The following SAMD8 variants were observed in gnomAD, a reference collection of about 807,000 sequenced individuals.
SAMD8 encodes sphingomyelin synthase-related protein 1.
SAMD8 carries 20 observed loss-of-function variants against 42.0 expected under a neutral mutation model. That is an observed-to-expected ratio of 0.48 (90% confidence interval 0.34 to 0.69). SAMD8 has a LOEUF of 0.69. Among genes scored for constraint, SAMD8 ranks in the 30% least tolerant of loss-of-function variants. The pLI is 0.01. For missense variants in SAMD8, 328 were observed against 511.6 expected (o/e 0.64, Z 3.46); for synonymous variants, 162 against 173.0 (o/e 0.94, Z 0.50).
At chr10:75,175,808 C>CA (rs1305586329) in intron 4 of SAMD8, 1 of 888,316 alleles carries the variant, frequency 1.1e-6, no homozygotes, top group Non-Finnish European at 1.3e-6. Context: ...CTCAGCCTCC[C>CA]AAAGTGCTGG....
intron 2 of SAMD8, among the ~76,000 whole-genome samples, chr10:75,155,115 C>G (rs979031587): frequency 1.3e-5 from 2 of 152,054 alleles, no homozygotes; most frequent in Non-Finnish European, 1.5e-5. Context: ...TGGTCTCAAA[C>G]TTTTGGCCTC....
chr10:75,109,076 G>A (rs372109818), upstream of SAMD8: 6 of 1,612,354 alleles, frequency 3.7e-6, no homozygotes, highest in African/African-American at 4.0e-5. Flanking sequence ...CCTGCCCGCA[G>A]GAGCTCCTCC....
chr10:75,172,323 T>C (rs892680558), intron 4 of SAMD8, among the ~76,000 whole-genome samples: 13 of 152,026 alleles, frequency 8.6e-5, no homozygotes, highest in African/African-American at 3.1e-4. Context: ...AGGGGAGATT[T>C]TATTGTATTT....
rs544463817 is a variant in SAMD8, at chr10:75,176,674, G to A, written c.1230G>A (p.Met410Ile). The change falls in exon 6 of 6, where the codon ATG (methionine) becomes ATA (isoleucine). Residue 410 changes from methionine (M) to isoleucine (I), a missense_variant. Met to Ile is a conservative substitution (Grantham distance 10, BLOSUM62 1). Transcript: ENST00000542569. The surrounding 1 kb of genome is among the most constrained non-coding windows in gnomAD (Gnocchi z 4.3). ...GGCCATTTTCAAAACCAGCAATAAT[G>A]AAAAGACTAATTGGATGAATACTAT... is the stretch of plus-strand genomic sequence containing the variant. ...YCWPFSKPAI[M>I]KRLIG is the part of the protein sequence containing the mutation. 6.5e-7 allele frequency: 1 copy of A among 1,535,682 alleles called. No homozygotes were observed. Among genetic ancestry groups the A allele is most frequent in the Admixed American group, 2.1e-5 (1 of 48,258 alleles).
At chr10:75,108,938 G>A (rs373623897), upstream of SAMD8, 10 of 1,527,014 alleles carry the variant, frequency 6.5e-6, no homozygotes, top group East Asian at 1.9e-4. Context: ...ACCCTCCTGT[G>A]TCTGGTAAAG....
At chr10:75,151,777 C>T (rs1280487388) in intron 2 of SAMD8, among the ~76,000 whole-genome samples, 2 of 152,194 alleles carry the variant, frequency 1.3e-5, no homozygotes, top group East Asian at 1.9e-4. Flanking sequence ...ACCTCCACCT[C>T]CCTGGTTCAA....
At chr10:75,135,264 C>T (rs938095657) in intron 1 of SAMD8, among the ~76,000 whole-genome samples, 3 of 149,580 alleles carry the variant, frequency 2.0e-5, no homozygotes, top group Non-Finnish European at 4.4e-5. Context: ...ACCAGCCTGA[C>T]CAACATGGAG....
chr10:75,172,556 G>A (rs892754272), intron 4 of SAMD8, among the ~76,000 whole-genome samples: 1 of 151,600 alleles, frequency 6.6e-6, no homozygotes, highest in African/African-American at 2.4e-5. Flanking sequence ...AGCGTGCGGT[G>A]GTGCGATCTT....
chr10:75,168,657 A>G lies in SAMD8; in HGVS notation c.791A>G (p.Lys264Arg). The G allele has an allele frequency of 6.3e-7, 1 of 1,582,574 alleles. No individual in the cohort carries two copies. The highest frequency in any genetic ancestry group is 8.7e-7 in the Non-Finnish European group (1 of 1,151,288). The change falls in exon 4 of 6, where the codon AAG becomes AGG. Residue 264 changes from lysine (K) to arginine (R), a missense_variant and splice_region_variant. Coordinates refer to ENST00000542569, the MANE Select transcript of SAMD8 (RefSeq NM_001174156.2). ...VPGQHLQCTG[K>R]IYGSVWEKLH... The stretch of plus-strand genomic sequence containing the variant: ...GGACAACACCTGCAGTGTACTGGAA[A>G]GGTAGCCTGCTACCTTCTTTATCAT...
At chr10:75,114,862 T>C (rs557503989) in intron 1 of SAMD8, among the ~76,000 whole-genome samples, 1 of 152,356 alleles carries the variant, frequency 6.6e-6, no homozygotes, top group South Asian at 2.1e-4. Flanking sequence ...TTAAAGCTTC[T>C]GTAGCTTTGA....
chr10:75,152,479 G>A (rs1478594514), intron 2 of SAMD8, among the ~76,000 whole-genome samples: 8 of 140,270 alleles, frequency 5.7e-5, no homozygotes, highest in East Asian at 2.1e-4. Flanking sequence ...CCGAGATCCC[G>A]CCACTGCACT....
Position 75,176,142 on chromosome 10 carries a change from T to G in SAMD8, c.869T>G (p.Val290Gly). ...GGCTTTGGTATGACCCTGACTGGCGTTCACACATGTGGAGATTACATGTTT... is the reference window on the plus strand; with the variant it reads ...GGCTTTGGTATGACCCTGACTGGCGGTCACACATGTGGAGATTACATGTTT... ...WSGFGMTLTG[V>G]HTCGDYMFSG... Residue 290 changes from valine (V) to glycine (G), a missense_variant, in exon 5 of 6, where the codon GTT becomes GGT. Val to Gly is a moderately radical substitution (Grantham distance 109, BLOSUM62 -3). This residue lies in a region of SAMD8 where 178 missense variants were observed against 325.6 expected (regional missense o/e 0.55). Coordinates refer to ENST00000542569, the MANE Select transcript of SAMD8 (RefSeq NM_001174156.2). This position sits in a 1 kb window ranked among gnomAD's most constrained non-coding sequence, Gnocchi z 4.3. 1.2e-6 allele frequency: 2 copies of G among 1,614,214 alleles called. No individual in the cohort carries two copies. Among genetic ancestry groups the G allele is most frequent in the Non-Finnish European group, 1.7e-6 (2 of 1,180,004 alleles).
upstream of SAMD8, among the ~76,000 whole-genome samples, chr10:75,111,305 G>C (rs1194707874): frequency 6.6e-6 from 1 of 151,922 alleles, no homozygotes; most frequent in African/African-American, 2.4e-5. Flanking sequence ...CCCCGCCCCG[G>C]CTCCGCTAGC....
rs754024459 is a variant in SAMD8 at position 75,176,055 on chromosome 10, T to C, written c.793-11T>C. The C allele has an allele frequency of 3.7e-6, 6 of 1,607,118 alleles. No individual in the cohort carries two copies. In the African/African-American group the frequency reaches 8.0e-5, roughly 22 times the overall value. On this transcript the variant is annotated splice_polypyrimidine_tract_variant and intron_variant, in intron 4 of 5. Coordinates refer to ENST00000542569, the MANE Select transcript of SAMD8 (RefSeq NM_001174156.2). The surrounding 1 kb of genome is among the most constrained non-coding windows in gnomAD (Gnocchi z 4.3). ...GCATTTGAAGCACTAATTCATAACT[T>C]TTCTTCATAGATATATGGCAGTGTA...
In SAMD8 at chr10:75,177,656, A is replaced by G. The variant is rs976516293; in HGVS notation, c.*964A>G. 6 of 152,266 alleles carry G rather than the reference A, an allele frequency of 3.9e-5. No homozygotes were observed. Among genetic ancestry groups the G allele is most frequent in the African/African-American group, 1.4e-4 (6 of 41,474 alleles). The allele number at this position is 152,266 out of a possible 1,614,324, so 9.4% of individuals were successfully genotyped here. ...AAAAGAAACTTACAGCACGCAAAAT[A>G]TAACTTTTTGGTTTTTGAAATTTAT... On this transcript the variant is annotated 3_prime_UTR_variant, in exon 6 of 6. Transcript: ENST00000542569.
chr10:75,159,852 G>A (rs905684475), intron 2 of SAMD8, among the ~76,000 whole-genome samples: 5 of 152,096 alleles, frequency 3.3e-5, no homozygotes, highest in African/African-American at 1.2e-4. Flanking sequence ...GGTTTTCTTT[G>A]AGAACATTTC....
chr10:75,111,593 C>T, upstream of SAMD8: 1 of 1,251,958 alleles, frequency 8.0e-7, no homozygotes, highest in Non-Finnish European at 1.0e-6. Context: ...ACTCCGGCTC[C>T]CCGCCCCGGG....
chr10:75,181,451 A>T lies in SAMD8; in HGVS notation c.*4759A>T, dbSNP rs1233432706. 6.6e-6 allele frequency: 1 copy of T among 152,156 alleles called. No homozygotes were observed. Among genetic ancestry groups the T allele is most frequent in the East Asian group, 1.9e-4 (1 of 5,202 alleles). The allele number at this position is 152,156 out of a possible 1,614,324, so 9.4% of individuals were successfully genotyped here. On this transcript the variant is annotated 3_prime_UTR_variant, in exon 6 of 6. Transcript: ENST00000542569. ...CACCTCACCCGGATGTAATGCCACC[A>T]ATTTCAAATAACTAAAATGTGACCA...
At chr10:75,161,778 C>A (rs1461843987) in intron 2 of SAMD8, among the ~76,000 whole-genome samples, 1 of 151,590 alleles carries the variant, frequency 6.6e-6, no homozygotes, top group Non-Finnish European at 1.5e-5. Context: ...CCTTTGGGAG[C>A]GCTTTGGGAG....
Sources: allele counts gnomAD v4.1 joint callset (sites outside exome capture counted in the v4.1 genomes callset), GRCh38; gene constraint gnomAD v4.1.1; regional missense constraint gnomAD v4.1.1; non-coding constraint Gnocchi (gnomAD v3.1); transcripts MANE v1.5; gene names NCBI Gene and HGNC (gene_info 2026-07-23, HGNC 2026-07-21).